The following CLVS2 variants were observed in gnomAD, a reference collection of about 807,000 sequenced individuals.
CLVS2 encodes clavesin 2.
A neutral mutation model predicts 29.0 loss-of-function variants in CLVS2; 19 were observed. That is an observed-to-expected ratio of 0.66 (90% CI 0.46 to 0.96). The LOEUF (loss-of-function observed/expected upper bound fraction) is 0.96, where lower values mean the gene tolerates loss of function less well. CLVS2 is among the 40% of genes least tolerant of loss of function. The pLI is 0.00. For missense variants in CLVS2, 294 were observed against 404.1 expected (o/e 0.73, Z 2.34); for synonymous variants, 161 against 151.3 (o/e 1.06, Z -0.47).
rs1772916832 is a variant in CLVS2, at chr6:123,069,926, A to T, written c.*6165A>T. 6.6e-6 allele frequency: 1 copy of T among 151,924 alleles called. No homozygotes were observed. Among genetic ancestry groups the T allele is most frequent in the Non-Finnish European group, 1.5e-5 (1 of 67,896 alleles). The allele number at this position is 151,924 out of a possible 1,614,324, so 9.4% of individuals were successfully genotyped here. A position where few individuals can be genotyped will look rare whatever the true frequency, so the allele number is the denominator to read the frequency against. Reference sequence around the variant, plus strand: ...TTCTAATTGGCATCATAAAAGTATAAGAAGCCACAAATGCATTGTTGCCAC... The same window carrying T: ...TTCTAATTGGCATCATAAAAGTATATGAAGCCACAAATGCATTGTTGCCAC... On this transcript the variant is annotated 3_prime_UTR_variant, in exon 6 of 6. Transcript: ENST00000275162.
At chr6:123,037,608 G>A (rs986877488) in intron 3 of CLVS2, among the ~76,000 whole-genome samples, 4 of 151,894 alleles carry the variant, frequency 2.6e-5, no homozygotes, top group African/African-American at 9.7e-5. Flanking sequence ...TCTCAAGTCT[G>A]ACTTCAGTGC....
rs540505317 is a variant in CLVS2 at position 123,023,006 on chromosome 6, T to C, written c.564+11847T>C. On this transcript the variant is annotated intron_variant, in intron 3 of 5. Transcript: ENST00000275162. ...GCTAAATGTGGAGACATAATTTAGT[T>C]AGGGAAAGGGAAGTGAAAACACTCT... Among the ~76,000 whole-genome samples, 4 of 152,216 alleles carry C rather than the reference T, an allele frequency of 2.6e-5. No individual in the cohort carries two copies. In the South Asian group the frequency reaches 8.3e-4, roughly 32 times the overall value.
chr6:123,011,935 T>C (rs1774753863), intron 3 of CLVS2, among the ~76,000 whole-genome samples: 1 of 152,064 alleles, frequency 6.6e-6, no homozygotes, highest in Non-Finnish European at 1.5e-5. Context: ...GACTGGGGCA[T>C]CAATGTTGAG....
chr6:123,035,033 A>G (rs900323685), intron 3 of CLVS2, among the ~76,000 whole-genome samples: 5 of 152,206 alleles, frequency 3.3e-5, no homozygotes, highest in African/African-American at 1.2e-4. Context: ...TTGAATGAGA[A>G]GAAAGAACAG....
At position 123,066,946 on chromosome 6, in the gene CLVS2, G is replaced by A. The variant is rs1772871881; in HGVS notation, c.*3185G>A. Reference sequence around the variant, plus strand: ...TTTAGTACATGTTAATGATAAACGTGGCACTAGGCTAAAACGATATACGAG... The same window carrying A: ...TTTAGTACATGTTAATGATAAACGTAGCACTAGGCTAAAACGATATACGAG... On this transcript the variant is annotated 3_prime_UTR_variant, in exon 6 of 6. Coordinates refer to ENST00000275162, the MANE Select transcript of CLVS2 (RefSeq NM_001010852.4). The A allele has an allele frequency of 6.6e-6, 1 of 151,708 alleles. No individual in the cohort carries two copies. The highest frequency in any genetic ancestry group is 1.5e-5 in the Non-Finnish European group (1 of 67,736). The allele number at this position is 151,708 out of a possible 1,614,324, so 9.4% of individuals were successfully genotyped here. A position where few individuals can be genotyped will look rare whatever the true frequency, so the allele number is the denominator to read the frequency against.
rs955004845 is a variant in CLVS2 at position 123,067,514 on chromosome 6, A to G, written c.*3753A>G. ...AATATCTCAGCTTCTTTTTTTGTGT[A>G]TATTTATTAATGATTACATGAAAAG... is the stretch of plus-strand genomic sequence containing the variant. On this transcript the variant is annotated 3_prime_UTR_variant, in exon 6 of 6. Coordinates refer to ENST00000275162, the MANE Select transcript of CLVS2 (RefSeq NM_001010852.4). The G allele has an allele frequency of 6.6e-6, 1 of 151,650 alleles. No homozygotes were observed. The highest frequency in any genetic ancestry group is 2.4e-5 in the African/African-American group (1 of 41,390). The allele number at this position is 151,650 out of a possible 1,614,324, so 9.4% of individuals were successfully genotyped here.
chr6:123,032,064 A>G (rs1775091042), intron 3 of CLVS2, among the ~76,000 whole-genome samples: 1 of 151,972 alleles, frequency 6.6e-6, no homozygotes, highest in Non-Finnish European at 1.5e-5. Context: ...TAATTTGTCT[A>G]ATTGATTCCT....
intron 5 of CLVS2, among the ~76,000 whole-genome samples, chr6:123,063,350 T>C (rs1772806574): frequency 6.6e-6 from 1 of 152,168 alleles, no homozygotes; most frequent in South Asian, 2.1e-4. Context: ...AAAACATCTA[T>C]CCTACACTAG....
At chr6:123,048,080 C>T (rs1400366414) in intron 3 of CLVS2, among the ~76,000 whole-genome samples, 2 of 152,164 alleles carry the variant, frequency 1.3e-5, no homozygotes, top group Non-Finnish European at 2.9e-5. Context: ...AAGCATGTTA[C>T]TTTCTTGTAG....
chr6:123,010,803 C>T lies in CLVS2; in HGVS notation c.390-182C>T, dbSNP rs138872430. 9.2e-3 allele frequency among the ~76,000 whole-genome samples: 1,400 copies of T among 151,968 alleles called. 10 individuals carry two copies. The highest frequency in any genetic ancestry group is 0.015 in the Non-Finnish European group (1,006 of 67,912). ...GTTTGGGCAGAATACATGTTAAATT[C>T]GATTATGTTCTTGGAGTACATATAA... On this transcript the variant is annotated intron_variant, in intron 2 of 5. Transcript: ENST00000275162.
chr6:123,047,636 A>G (rs1018612310), intron 3 of CLVS2, among the ~76,000 whole-genome samples: 40 of 152,212 alleles, frequency 2.6e-4, no homozygotes, highest in African/African-American at 9.4e-4. Flanking sequence ...GAAAAAATAC[A>G]ATTATTTTAG....
chr6:123,046,860 G>C (rs1258370783), intron 3 of CLVS2, among the ~76,000 whole-genome samples: 1 of 152,094 alleles, frequency 6.6e-6, no homozygotes, highest in Non-Finnish European at 1.5e-5. Flanking sequence ...GAACTCTCAA[G>C]AATGTGAGAC....
chr6:123,023,875 C>A (rs57113541), intron 3 of CLVS2, among the ~76,000 whole-genome samples: 3,448 of 152,172 alleles, frequency 0.023, 54 homozygotes, highest in African/African-American at 0.046. Context: ...GCTAATGCCT[C>A]TACCTGGTAT....
intron 3 of CLVS2, among the ~76,000 whole-genome samples, chr6:123,039,673 A>G (rs965364456): frequency 3.3e-5 from 5 of 152,178 alleles, no homozygotes; most frequent in African/African-American, 1.2e-4. Context: ...ACTTGCTTCC[A>G]TCTGTTATCA....
intron 5 of CLVS2, among the ~76,000 whole-genome samples, chr6:123,057,247 G>A (rs546058671): frequency 6.6e-6 from 1 of 151,948 alleles, no homozygotes; most frequent in African/African-American, 2.4e-5. Context: ...GCCAATGTCT[G>A]GCATCCTTCT....
At position 123,027,810 on chromosome 6, in the gene CLVS2, TTAAA is replaced by T. The variant is rs199700005; in HGVS notation, c.564+16655_564+16658del. Among the ~76,000 whole-genome samples the T allele has an allele frequency of 1.1e-3, 175 of 152,248 alleles. 2 individuals are homozygous for T. In the East Asian group the frequency reaches 0.033, roughly 29 times the overall value. On this transcript the variant is annotated intron_variant, in intron 3 of 5. Transcript: ENST00000275162. Reference sequence around the variant, plus strand: ...CTTAAAGAGATTCTTTGAAAAAAAATTAAATAAGTTGTTATGCATGTTAAAATCT... The same window carrying T: ...CTTAAAGAGATTCTTTGAAAAAAAATTAAGTTGTTATGCATGTTAAAATCT...
At chr6:123,009,571 C>T (rs948157841) in intron 2 of CLVS2, among the ~76,000 whole-genome samples, 19 of 152,180 alleles carry the variant, frequency 1.2e-4, no homozygotes, top group African/African-American at 3.1e-4. Context: ...GCCTTCCTAA[C>T]GAACTCATCA....
intron 3 of CLVS2, among the ~76,000 whole-genome samples, chr6:123,017,863 T>C (rs1047610496): frequency 2.6e-5 from 4 of 152,098 alleles, no homozygotes; most frequent in Admixed American, 6.6e-5. Flanking sequence ...CTGTTAAAAG[T>C]GTCTAGTTGT....
intron 3 of CLVS2, among the ~76,000 whole-genome samples, chr6:123,018,685 T>TTA (rs1554201513): frequency 1.0e-4 from 15 of 143,274 alleles, no homozygotes; most frequent in Non-Finnish European, 1.5e-4. Flanking sequence ...TTTTTTTTTT[T>TTA]AAAAAAAAGT....
Sources: gnomAD v4.1 joint callset for allele counts (sites outside exome capture counted in the v4.1 genomes callset) on GRCh38, gnomAD v4.1.1 for gene constraint, MANE v1.5 for transcripts, NCBI Gene and HGNC (gene_info 2026-07-23, HGNC 2026-07-21) for gene names.